TEKT1: variants seen among roughly 807,000 people sequenced by gnomAD.
TEKT1 encodes the protein tektin 1.
Under a neutral mutation model 34.8 loss-of-function variants are expected in TEKT1, and 32 were observed. The observed-to-expected ratio is 0.92, with a 90% CI of 0.69 to 1.23. The LOEUF is 1.23. TEKT1 is among the 50% of genes most tolerant of loss of function. The pLI is 0.00. For synonymous variants in TEKT1, 207 were observed against 199.8 expected, an observed-to-expected ratio of 1.04 and a Z score of -0.30; for missense variants, 492 against 518.5, an observed-to-expected ratio of 0.95 and a Z score of 0.50.
At chr17:6,801,184 A>G (rs1976766797) in intron 6 of TEKT1, among the ~76,000 whole-genome samples, 1 of 152,182 alleles carries the variant, frequency 6.6e-6, no homozygotes, top group Admixed American at 6.5e-5. Flanking sequence ...TCATCTACCC[A>G]CAGGAGATGC....
rs1474654223 is a variant in TEKT1, at chr17:6,813,166, A to G, written c.630-113T>C. On this transcript the variant is annotated intron_variant, in intron 5 of 7. Coordinates refer to ENST00000338694, the MANE Select transcript of TEKT1 (RefSeq NM_053285.2). ...TAAGAACCACCTAGAATGTTACCCTATCTCTAGGCAGAGCAAATAGTGGTC... is the reference window on the plus strand; with the variant it reads ...TAAGAACCACCTAGAATGTTACCCTGTCTCTAGGCAGAGCAAATAGTGGTC... The G allele has an allele frequency of 5.8e-6, 5 of 857,120 alleles. No individual in the cohort carries two copies. In the African/African-American group the frequency reaches 8.4e-5, roughly 14 times the overall value. The allele number at this position is 857,120 out of a possible 1,614,324, so 53.1% of individuals were successfully genotyped here.
chr17:6,813,981 A>G (rs1976967094), intron 5 of TEKT1, among the ~76,000 whole-genome samples: 1 of 122,278 alleles, frequency 8.2e-6, no homozygotes, highest in African/African-American at 3.3e-5. Flanking sequence ...TCTCTCTCGG[A>G]TCACTCATTA....
chr17:6,801,866 A>C (rs1976778268), intron 6 of TEKT1, among the ~76,000 whole-genome samples: 1 of 152,196 alleles, frequency 6.6e-6, no homozygotes, highest in Admixed American at 6.6e-5. Context: ...TAGACTAAGG[A>C]ACCTCGCATA....
intron 6 of TEKT1, among the ~76,000 whole-genome samples, chr17:6,807,849 C>T (rs1053152940): frequency 6.6e-6 from 1 of 152,094 alleles, no homozygotes; most frequent in African/African-American, 2.4e-5. Flanking sequence ...AGAGGAGTAC[C>T]CAGCCGTGTG....
At chr17:6,823,746 T>C (rs1254946728) in intron 2 of TEKT1, among the ~76,000 whole-genome samples, 7 of 151,308 alleles carry the variant, frequency 4.6e-5, no homozygotes, top group Non-Finnish European at 1.5e-5. Flanking sequence ...TTGGCTCAGC[T>C]CTCAGTCTCT....
chr17:6,806,978 G>A (rs1229428557), intron 6 of TEKT1, among the ~76,000 whole-genome samples: 5 of 152,134 alleles, frequency 3.3e-5, no homozygotes, highest in Non-Finnish European at 7.3e-5. Context: ...GTATCTTTGT[G>A]GCATTCTCTG....
chr17:6,826,106 T>G (rs1018130957), intron 2 of TEKT1, among the ~76,000 whole-genome samples: 1 of 152,214 alleles, frequency 6.6e-6, no homozygotes, highest in Non-Finnish European at 1.5e-5. Flanking sequence ...TTCCTCTCCT[T>G]TCTTCTTGTT....
rs140786099 is a variant in TEKT1 at position 6,819,347 on chromosome 17, C to T, written c.202G>A (p.Glu68Lys). ...DVNKKLEQRL[E>K]EVQFWKKELD... is the part of the protein sequence containing the mutation. ...TCCTTCTTCCAGAACTGGACTTCCT[C>T]GAGTCTCTGTTCTGAAGCACACGGG... is the stretch of plus-strand genomic sequence containing the variant. The change falls in exon 3 of 8, where the codon GAG becomes AAG. Residue 68 changes from glutamate (E) to lysine (K), a missense_variant. Coordinates refer to ENST00000338694, the MANE Select transcript of TEKT1 (RefSeq NM_053285.2). The T allele has an allele frequency of 3.2e-4, 523 of 1,613,178 alleles. 1 individual carries two copies. In the African/African-American group the frequency reaches 6.0e-3, roughly 19 times the overall value.
rs368479629 is a variant in TEKT1 at position 6,818,796 on chromosome 17, G to A, written c.356+397C>T. ...AGGTAACATTAGGAGTGAAAGCCAT[G>A]TGCAGTAGAACAAGAAGATAGAAAA... On this transcript the variant is annotated intron_variant, in intron 3 of 7. Coordinates refer to ENST00000338694, the MANE Select transcript of TEKT1 (RefSeq NM_053285.2). 2.0e-5 allele frequency among the ~76,000 whole-genome samples: 3 copies of A among 152,196 alleles called. No homozygotes were observed. The East Asian group carries it at 5.8e-4, about 29-fold the overall frequency.
intron 2 of TEKT1, among the ~76,000 whole-genome samples, chr17:6,829,070 G>A (rs1008239305): frequency 3.3e-5 from 5 of 152,130 alleles, no homozygotes; most frequent in African/African-American, 7.2e-5. Context: ...AGAAGCGCTC[G>A]AACCTGGAAG....
chr17:6,808,784 T>C (rs28715720), intron 6 of TEKT1, among the ~76,000 whole-genome samples: 9,283 of 152,210 alleles, frequency 0.061, 778 homozygotes, highest in African/African-American at 0.18. Flanking sequence ...TATTTAATTA[T>C]ATATTTTAAA....
Position 6,811,486 on chromosome 17 carries a change from T to G in TEKT1, c.852+1345A>C, listed in dbSNP as rs76768821. On this transcript the variant is annotated intron_variant, in intron 6 of 7. Coordinates refer to ENST00000338694, the MANE Select transcript of TEKT1 (RefSeq NM_053285.2). The surrounding 1 kb of genome is among the most constrained non-coding windows in gnomAD (Gnocchi z 4.4). ...GGTCTCCCTAAGGTCACACAGCAAG[T>G]GTTGAAGCCACAGTTCAAACCCAAG... 0.061 allele frequency among the ~76,000 whole-genome samples: 9,234 copies of G among 152,150 alleles called. 772 individuals carry two copies. Among genetic ancestry groups the G allele is most frequent in the African/African-American group, 0.18 (7,500 of 41,476 alleles).
In TEKT1 at chr17:6,800,737, G is replaced by A; in HGVS notation, c.1049+10C>T. On this transcript the variant is annotated intron_variant, in intron 7 of 7. Coordinates refer to ENST00000338694, the MANE Select transcript of TEKT1 (RefSeq NM_053285.2). Reference sequence around the variant, plus strand: ...CCCGAAGGCCCTCTGCCCACTGGCTGCTAGCCTACCTTGCGACATTGTGGG... The same window carrying A: ...CCCGAAGGCCCTCTGCCCACTGGCTACTAGCCTACCTTGCGACATTGTGGG... 1 of 1,606,196 alleles carries A rather than the reference G, an allele frequency of 6.2e-7. No individual in the cohort carries two copies. The highest frequency in any genetic ancestry group is 8.5e-7 in the Non-Finnish European group (1 of 1,174,590).
Position 6,830,795 on chromosome 17 carries a change from A to G in TEKT1, c.-17-402T>C, listed in dbSNP as rs1031834450. Among the ~76,000 whole-genome samples the G allele has an allele frequency of 5.3e-5, 8 of 152,158 alleles. 1 individual carries two copies. On this transcript the variant is annotated intron_variant, in intron 1 of 7. Coordinates refer to ENST00000338694, the MANE Select transcript of TEKT1 (RefSeq NM_053285.2). ...TTCTCGTTGCTGTGTAGGTGCCGTTATATGAATAAAATCTAGCTGTCTTTT... is the reference window on the plus strand; with the variant it reads ...TTCTCGTTGCTGTGTAGGTGCCGTTGTATGAATAAAATCTAGCTGTCTTTT...
At chr17:6,813,131 C>T in intron 5 of TEKT1, 78 bp from the exon 6 acceptor site, 3 of 1,227,890 alleles carry the variant, frequency 2.4e-6, no homozygotes, top group South Asian at 2.8e-5. Flanking sequence ...CGAGCTACAC[C>T]TTCCCCTCAT....
chr17:6,816,556 T>C (rs1195026642), intron 3 of TEKT1, among the ~76,000 whole-genome samples: 1 of 152,206 alleles, frequency 6.6e-6, no homozygotes, highest in Non-Finnish European at 1.5e-5. Context: ...GCAAAGGACA[T>C]GAACTCTTCC....
rs1331564944 is a variant in TEKT1, at chr17:6,831,431, A to T, written c.-18+218T>A. Among the ~76,000 whole-genome samples the T allele has an allele frequency of 2.6e-5, 4 of 152,118 alleles. No individual in the cohort carries two copies. The East Asian group carries it at 7.7e-4, about 29-fold the overall frequency. ...CACCCAGCCCCCTCAGACAACATGG[A>T]GTTTCTCCGTTTCTTCCTAGCCCAG... On this transcript the variant is annotated intron_variant, in intron 1 of 7. Transcript: ENST00000338694.
chr17:6,814,912 T>C (rs946604720), intron 5 of TEKT1: 3 of 426,536 alleles, frequency 7.0e-6, no homozygotes, highest in African/African-American at 4.1e-5. Context: ...AAAACATGTA[T>C]AGATGAAGGA....
chr17:6,800,223 G>T lies in TEKT1; in HGVS notation c.1061C>A (p.Thr354Asn), dbSNP rs1466329451. The T allele has an allele frequency of 1.2e-6, 2 of 1,613,500 alleles. No homozygotes were observed. The highest frequency in any genetic ancestry group is 1.7e-6 in the Non-Finnish European group (2 of 1,179,898). ...ITHNVARLKE[T>N]LAQAQAELKG... ...CAGCTCTGCCTGAGCTTGGGCTAAA[G>T]TTTCCTTCAATCTAGGAGAAAGGGA... The change falls in exon 8 of 8, where the codon ACT (threonine) becomes AAT (asparagine). Residue 354 changes from threonine to asparagine, a missense_variant. Thr to Asn is a moderately conservative substitution (Grantham distance 65, BLOSUM62 0). Transcript: ENST00000338694.
Sources: gnomAD v4.1 joint callset for allele counts (sites outside exome capture counted in the v4.1 genomes callset) on GRCh38, gnomAD v4.1.1 for gene constraint, Gnocchi (gnomAD v3.1) non-coding constraint, MANE v1.5 for transcripts, NCBI Gene and HGNC (gene_info 2026-07-23, HGNC 2026-07-21) for gene names.